The following ANKDD1B variants were observed in gnomAD, a reference collection of about 807,000 sequenced individuals.
ANKDD1B encodes the protein ankyrin repeat and death domain containing 1B.
In ANKDD1B, 57 loss-of-function variants were observed where a neutral mutation model predicts 59.7. The ratio of observed to expected loss-of-function variants is 0.95; its 90% CI spans 0.77 to 1.19. The LOEUF (loss-of-function observed/expected upper bound fraction) is 1.19, where lower values mean the gene tolerates loss of function less well. Ranked by LOEUF, ANKDD1B falls within the 50% of genes most tolerant of loss-of-function variation. ANKDD1B has a pLI of 0.00. For synonymous variants in ANKDD1B, 216 were observed against 239.5 expected (o/e 0.90, Z 0.91); for missense variants, 602 against 641.9 (o/e 0.94, Z 0.67).
intron 10 of ANKDD1B, among the ~76,000 whole-genome samples, chr5:75,662,472 T>C (rs982275763): frequency 3.9e-5 from 6 of 152,046 alleles, no homozygotes; most frequent in Non-Finnish European, 8.8e-5. Flanking sequence ...TCCATAAGGG[T>C]TCCTAAGATT....
At chr5:75,651,131 A>G (rs1260429898) in intron 7 of ANKDD1B, among the ~76,000 whole-genome samples, 1 of 152,174 alleles carries the variant, frequency 6.6e-6, no homozygotes, top group Non-Finnish European at 1.5e-5. Context: ...GCCATATTCT[A>G]TTGGTCAAAG....
At chr5:75,617,414 C>G (rs1773742220) in intron 2 of ANKDD1B, among the ~76,000 whole-genome samples, 4 of 152,194 alleles carry the variant, frequency 2.6e-5, no homozygotes, top group Admixed American at 2.6e-4. Flanking sequence ...GAGGCCTTAT[C>G]TAAAACCTGG....
intron 12 of ANKDD1B, 35 bp downstream of exon 12, chr5:75,667,028 T>A: frequency 7.4e-7 from 1 of 1,350,140 alleles, no homozygotes; most frequent in African/African-American, 1.5e-5. Context: ...GCAGGAGGAA[T>A]TCACTGTTAG....
At chr5:75,631,935 G>A (rs1008367840) in intron 5 of ANKDD1B, among the ~76,000 whole-genome samples, 1 of 151,772 alleles carries the variant, frequency 6.6e-6, no homozygotes, top group Non-Finnish European at 1.5e-5. Context: ...GTGAAATCCC[G>A]TCTCTACTAA....
At chr5:75,633,005 C>T (rs906878185) in intron 5 of ANKDD1B, among the ~76,000 whole-genome samples, 63 of 152,222 alleles carry the variant, frequency 4.1e-4, no homozygotes, top group African/African-American at 1.4e-3. Context: ...CTTGTTCCCT[C>T]TTTTTGATTT....
At chr5:75,625,365 A>T (rs1489171901) in intron 3 of ANKDD1B, among the ~76,000 whole-genome samples, 2 of 152,110 alleles carry the variant, frequency 1.3e-5, no homozygotes, top group Non-Finnish European at 2.9e-5. Flanking sequence ...TATAGTCTGG[A>T]TTTTATTCTA....
intron 7 of ANKDD1B, among the ~76,000 whole-genome samples, chr5:75,650,770 C>T (rs1457780713): frequency 2.6e-5 from 4 of 152,198 alleles, no homozygotes; most frequent in African/African-American, 7.2e-5. Context: ...CAACCCAAAG[C>T]TCAGTGGCTT....
intron 10 of ANKDD1B, 133 bp downstream of exon 10, chr5:75,659,514 TAGTC>T: frequency 1.4e-6 from 1 of 694,244 alleles, no homozygotes; most frequent in South Asian, 1.8e-5. Context: ...TGCATCTTCA[TAGTC>T]AGTAAAATAC....
chr5:75,628,364 G>T lies in ANKDD1B; in HGVS notation c.600+2409G>T, dbSNP rs1449797614. ...GAGCTATACACTTAATAATGGTTAA[G>T]ATGATAAATTTAGTTATGTGTACTT... On this transcript the variant is annotated intron_variant, in intron 5 of 13. Coordinates refer to ENST00000601380, the MANE Select transcript of ANKDD1B (RefSeq NM_001276713.2). Among the ~76,000 whole-genome samples the T allele has an allele frequency of 2.6e-5, 4 of 152,304 alleles. No homozygotes were observed. The East Asian group carries it at 5.8e-4, about 22-fold the overall frequency.
intron 8 of ANKDD1B, among the ~76,000 whole-genome samples, chr5:75,653,671 A>G (rs1774888035): frequency 6.6e-6 from 1 of 152,156 alleles, no homozygotes; most frequent in Non-Finnish European, 1.5e-5. Context: ...AGGTTTTCTG[A>G]CGTTTGAATT....
chr5:75,634,427 A>G (rs1561437793), intron 5 of ANKDD1B, among the ~76,000 whole-genome samples: 1 of 152,344 alleles, frequency 6.6e-6, no homozygotes, highest in South Asian at 2.1e-4. Flanking sequence ...AAGGAGAAGC[A>G]GTTAATCAAA....
intron 12 of ANKDD1B, 49 bp downstream of exon 12, chr5:75,667,042 C>T (rs1775325675): frequency 1.6e-6 from 2 of 1,222,280 alleles, no homozygotes; most frequent in Non-Finnish European, 2.2e-6. Flanking sequence ...CTGTTAGGAA[C>T]AGCAGTGCCT....
chr5:75,664,228 A>T (rs1775247247), intron 11 of ANKDD1B, among the ~76,000 whole-genome samples: 1 of 152,198 alleles, frequency 6.6e-6, no homozygotes, highest in African/African-American at 2.4e-5. Context: ...ACAAACCTGG[A>T]TTGCTGTCCA....
chr5:75,666,124 T>G (rs1437388066), intron 11 of ANKDD1B, among the ~76,000 whole-genome samples: 1 of 152,206 alleles, frequency 6.6e-6, no homozygotes, highest in East Asian at 1.9e-4. Context: ...TCTGCAGGAC[T>G]CTGGTGGATT....
intron 7 of ANKDD1B, among the ~76,000 whole-genome samples, chr5:75,638,458 T>TA (rs1774374340): frequency 6.6e-6 from 1 of 152,236 alleles, no homozygotes; most frequent in Non-Finnish European, 1.5e-5. Flanking sequence ...GTGAATGCTC[T>TA]AGAGCCGTGG....
intron 7 of ANKDD1B, among the ~76,000 whole-genome samples, chr5:75,648,978 T>G (rs1218399693): frequency 2.0e-5 from 3 of 151,828 alleles, no homozygotes; most frequent in South Asian, 2.1e-4. Flanking sequence ...GATGTTGGAG[T>G]GAGATTATGA....
At chr5:75,615,337 G>T (rs1773684125) in intron 1 of ANKDD1B, among the ~76,000 whole-genome samples, 1 of 152,126 alleles carries the variant, frequency 6.6e-6, no homozygotes, top group Admixed American at 6.5e-5. Context: ...ATTATTAGAG[G>T]TGACAGAGTC....
intron 1 of ANKDD1B, 27 bp from the exon 2 acceptor site, chr5:75,616,777 A>T (rs1283682546): frequency 1.7e-6 from 2 of 1,150,106 alleles, no homozygotes; most frequent in Non-Finnish European, 2.5e-6. Context: ...AAATTCCCTC[A>T]GTCATGCTTG....
rs960918561 is a variant in ANKDD1B, at chr5:75,653,384, T to G, written c.897+144T>G. Reference sequence around the variant, plus strand: ...TCTGGGAAGGCTGGCTGACTTCTTTTGGAGGCTGAGTCTTAATCTTGAGAA... The same window carrying G: ...TCTGGGAAGGCTGGCTGACTTCTTTGGGAGGCTGAGTCTTAATCTTGAGAA... On this transcript the variant is annotated intron_variant, in intron 8 of 13. Coordinates refer to ENST00000601380, the MANE Select transcript of ANKDD1B (RefSeq NM_001276713.2). The G allele has an allele frequency of 6.5e-6, 4 of 617,384 alleles. No individual in the cohort carries two copies. In the Admixed American group the frequency reaches 7.2e-5, roughly 11 times the overall value. 38.2% of individuals were successfully genotyped at this position (617,384 alleles called of 1,614,324 possible). A position where few individuals can be genotyped will look rare whatever the true frequency, so the allele number is the denominator to read the frequency against.
Sources: gnomAD v4.1 joint callset for allele counts (sites outside exome capture counted in the v4.1 genomes callset) on GRCh38, gnomAD v4.1.1 for gene constraint, MANE v1.5 for transcripts, NCBI Gene and HGNC (gene_info 2026-07-23, HGNC 2026-07-21) for gene names.